LRP1B: variants seen among roughly 807,000 people sequenced by gnomAD.
The protein encoded by LRP1B is low-density lipoprotein receptor-related protein 1B.
A neutral mutation model predicts 556.6 loss-of-function variants in LRP1B; 217 were observed. The observed-to-expected ratio is 0.39, with a 90% CI of 0.35 to 0.44. LRP1B has a LOEUF of 0.44. Among genes scored for constraint, LRP1B ranks in the 20% least tolerant of loss-of-function variants. The pLI, the probability that LRP1B is intolerant of heterozygous loss-of-function variation, is 1.00. For missense variants in LRP1B, 5,053 were observed against 5,620.8 expected, an observed-to-expected ratio of 0.90 and a Z score of 3.23; for synonymous variants, 2,047 against 1,865.8, an observed-to-expected ratio of 1.10 and a Z score of -2.50.
At chr2:140,765,834 G>T (rs113443790) in intron 35 of LRP1B, among the ~76,000 whole-genome samples, 3,590 of 152,144 alleles carry the variant, frequency 0.024, 79 homozygotes, top group South Asian at 0.098. Context: ...TATGATACTT[G>T]TACTTTGCCA....
chr2:141,450,992 C>T (rs1681399634), intron 3 of LRP1B, among the ~76,000 whole-genome samples: 1 of 152,140 alleles, frequency 6.6e-6, no homozygotes, highest in Non-Finnish European at 1.5e-5. Flanking sequence ...GTTTGCCTGA[C>T]CCTCACAATC....
At position 140,776,192 on chromosome 2, in the gene LRP1B, G is replaced by C. The variant is rs538799405; in HGVS notation, c.5406C>G (p.Thr1802=). The change falls in exon 33 of 91, where the codon ACC becomes ACG. Residue 1802 remains threonine, a synonymous_variant. Transcript: ENST00000389484. ...WADQNLAQLG[T]CSKRDGRNPT... ...GGTTTCTTCCGTCTCTTTTGCTGCA[G>C]GTTCCTAGCTGGGCTAAGTTTTGGT... 6.2e-7 allele frequency: 1 copy of C among 1,602,126 alleles called. No homozygotes were observed. Among genetic ancestry groups the C allele is most frequent in the East Asian group, 2.3e-5 (1 of 43,700 alleles).
At position 141,425,653 on chromosome 2, in the gene LRP1B, C is replaced by T. The variant is rs1397418935; in HGVS notation, c.343+54743G>A. On this transcript the variant is annotated intron_variant, in intron 3 of 90. Coordinates refer to ENST00000389484, the MANE Select transcript of LRP1B (RefSeq NM_018557.3). The stretch of plus-strand genomic sequence containing the variant: ...GGTATCTCACTGTGGTTTTGATTTG[C>T]ATTTCTCTGATGGCCAGTGATGATG... 3.3e-5 allele frequency among the ~76,000 whole-genome samples: 5 copies of T among 150,750 alleles called. No individual in the cohort carries two copies. In the South Asian group the frequency reaches 8.5e-4, roughly 26 times the overall value.
chr2:141,263,983 CT>C (rs1301782564), intron 3 of LRP1B, among the ~76,000 whole-genome samples: 2 of 152,148 alleles, frequency 1.3e-5, no homozygotes, highest in African/African-American at 4.8e-5. Context: ...AGGGGAATTT[CT>C]TCAACCTAAT....
At chr2:141,878,378 C>CA (rs749571770) in intron 1 of LRP1B, among the ~76,000 whole-genome samples, 57 of 150,052 alleles carry the variant, frequency 3.8e-4, no homozygotes, top group Non-Finnish European at 5.8e-4. Flanking sequence ...ACAACAACAA[C>CA]AAAAAAAACA....
chr2:140,481,540 T>A (rs180766397), intron 59 of LRP1B, among the ~76,000 whole-genome samples: 6 of 150,658 alleles, frequency 4.0e-5, no homozygotes, highest in African/African-American at 1.5e-4. Flanking sequence ...CTGATAAAGT[T>A]TTCTAACTCA....
At chr2:141,977,608 G>A (rs1043281592) in intron 1 of LRP1B, among the ~76,000 whole-genome samples, 1 of 152,100 alleles carries the variant, frequency 6.6e-6, no homozygotes, top group Non-Finnish European at 1.5e-5. Context: ...TAAAAACAGA[G>A]TGTTGCTGTT....
At position 140,766,843 on chromosome 2, in the gene LRP1B, AT is replaced by A. The variant is rs1168474542; in HGVS notation, c.5758+2369del. Among the ~76,000 whole-genome samples the A allele has an allele frequency of 5.1e-3, 489 of 95,584 alleles. 10 individuals are homozygous for A. Among genetic ancestry groups the A allele is most frequent in the African/African-American group, 0.02 (405 of 20,396 alleles). 62.7% of individuals were successfully genotyped at this position (95,584 alleles called of 152,430 possible). A position where few individuals can be genotyped will look rare whatever the true frequency, so the allele number is the denominator to read the frequency against. ...GTAAAATATATATATATATATATAT[AT>A]TATATATATATATATATATATAATA... On this transcript the variant is annotated intron_variant, in intron 35 of 90. Transcript: ENST00000389484.
At chr2:141,751,991 C>T (rs533862832) in intron 2 of LRP1B, among the ~76,000 whole-genome samples, 37 of 151,040 alleles carry the variant, frequency 2.4e-4, no homozygotes, top group Middle Eastern at 3.4e-3. Flanking sequence ...ATCTTTGTAA[C>T]GGATTAAAAC....
chr2:141,591,041 C>G (rs1009959620), intron 2 of LRP1B, among the ~76,000 whole-genome samples: 1 of 152,190 alleles, frequency 6.6e-6, no homozygotes, highest in East Asian at 1.9e-4. Context: ...TGACTCATTT[C>G]TTTCTACCTC....
intron 3 of LRP1B, among the ~76,000 whole-genome samples, chr2:141,334,857 C>T (rs1218117325): frequency 2.6e-5 from 4 of 152,084 alleles, no homozygotes; most frequent in Non-Finnish European, 2.9e-5. Flanking sequence ...CGGCCCAGTA[C>T]ATAATATTTT....
chr2:141,522,788 G>T (rs1382491116), intron 2 of LRP1B, among the ~76,000 whole-genome samples: 4 of 152,160 alleles, frequency 2.6e-5, no homozygotes, highest in Admixed American at 6.6e-5. Flanking sequence ...CGTTTGGCAG[G>T]TTCTTTTGCC....
chr2:140,912,962 G>A lies in LRP1B; in HGVS notation c.3320-4885C>T, dbSNP rs888234343. Among the ~76,000 whole-genome samples the A allele has an allele frequency of 2.2e-3, 332 of 151,786 alleles. 2 individuals are homozygous for A. The highest frequency in any genetic ancestry group is 7.6e-3 in the African/African-American group (315 of 41,526). ...GGACTTGTTTTTAGTTTAATAAAAA[G>A]ATAACAAATGTTGTAATGGGATAAT... On this transcript the variant is annotated intron_variant, in intron 21 of 90. Transcript: ENST00000389484.
chr2:141,384,412 C>A (rs2104893222), intron 3 of LRP1B, among the ~76,000 whole-genome samples: 1 of 151,892 alleles, frequency 6.6e-6, no homozygotes, highest in East Asian at 1.9e-4. Context: ...ATTGGAAAGA[C>A]AAATATATTT....
At chr2:141,161,239 G>A (rs1172093700) in intron 7 of LRP1B, among the ~76,000 whole-genome samples, 4 of 151,950 alleles carry the variant, frequency 2.6e-5, no homozygotes, top group Non-Finnish European at 4.4e-5. Flanking sequence ...ACAAACATGG[G>A]ATCCTTTCAG....
intron 1 of LRP1B, among the ~76,000 whole-genome samples, chr2:141,933,281 C>T (rs761592120): frequency 1.3e-4 from 19 of 151,630 alleles, no homozygotes; most frequent in Non-Finnish European, 2.5e-4. Flanking sequence ...AAAAAATCAC[C>T]CTACTGAAAA....
At chr2:141,946,117 C>T (rs72986538) in intron 1 of LRP1B, among the ~76,000 whole-genome samples, 7,157 of 152,126 alleles carry the variant, frequency 0.047, 189 homozygotes, top group African/African-American at 0.08. Flanking sequence ...AACTGCCCCA[C>T]AGCCTAGTAT....
At chr2:140,400,878 G>C (rs781133499) in intron 66 of LRP1B, among the ~76,000 whole-genome samples, 5 of 152,140 alleles carry the variant, frequency 3.3e-5, no homozygotes, top group Admixed American at 2.0e-4. Flanking sequence ...CATGTCACAG[G>C]GGAAGGCCTT....
At chr2:142,074,461 A>G (rs1050950013) in intron 1 of LRP1B, among the ~76,000 whole-genome samples, 2 of 152,008 alleles carry the variant, frequency 1.3e-5, no homozygotes, top group African/African-American at 4.8e-5. Context: ...ATAGAAACAA[A>G]TATTTTGGCT....
Sources: gnomAD v4.1 joint callset for allele counts (sites outside exome capture counted in the v4.1 genomes callset) on GRCh38, gnomAD v4.1.1 for gene constraint, MANE v1.5 for transcripts, NCBI Gene and HGNC (gene_info 2026-07-23, HGNC 2026-07-21) for gene names.